The following PALD1 variants were observed in gnomAD, a reference collection of about 807,000 sequenced individuals.
PALD1 encodes the protein phosphatase domain containing paladin 1.
Under a neutral mutation model 96.0 loss-of-function variants are expected in PALD1, and 57 were observed. The ratio of observed to expected loss-of-function variants is 0.59; its 90% CI spans 0.48 to 0.74. The LOEUF is 0.74. Among genes scored for constraint, PALD1 ranks in the 30% least tolerant of loss-of-function variants. The pLI, the probability that PALD1 is intolerant of heterozygous loss-of-function variation, is 0.00. For missense variants in PALD1, 1,063 were observed against 1,143.7 expected, an observed-to-expected ratio of 0.93 and a Z score of 1.02; for synonymous variants, 464 against 473.6, an observed-to-expected ratio of 0.98 and a Z score of 0.26.
intron 3 of PALD1, 87 bp from the exon 4 acceptor site, chr10:70,529,802 T>C: frequency 1.6e-6 from 2 of 1,221,094 alleles, no homozygotes; most frequent in Non-Finnish European, 2.3e-6. Flanking sequence ...CCCCCCTCCC[T>C]GTCCCCTGGA....
chr10:70,479,478 A>G (rs1845891563), intron 1 of PALD1, among the ~76,000 whole-genome samples: 2 of 152,220 alleles, frequency 1.3e-5, no homozygotes, highest in African/African-American at 4.8e-5. Flanking sequence ...CCTCAGACCC[A>G]GGACGAGTCC....
At chr10:70,464,074 C>T in the PALD1 span, among the ~76,000 whole-genome samples, 23 of 152,190 alleles carry the variant, frequency 1.5e-4, no homozygotes, top group Admixed American at 4.6e-4. Flanking sequence ...AAAGTTCCCT[C>T]GGGCCGCTCC....
intron 1 of PALD1, among the ~76,000 whole-genome samples, chr10:70,506,735 G>A (rs1319901876): frequency 6.6e-6 from 1 of 152,264 alleles, no homozygotes; most frequent in South Asian, 2.1e-4. Flanking sequence ...AGCAGGGAGG[G>A]CACGACTCAT....
chr10:70,508,809 G>GTGTA (rs1554855629), intron 1 of PALD1, among the ~76,000 whole-genome samples: 5 of 113,756 alleles, frequency 4.4e-5, no homozygotes, highest in African/African-American at 1.6e-4. Context: ...GTGTGTGTGT[G>GTGTA]TGTGTGTGTG....
At chr10:70,505,664 T>A (rs1299803239) in intron 1 of PALD1, among the ~76,000 whole-genome samples, 1 of 151,598 alleles carries the variant, frequency 6.6e-6, no homozygotes, top group Non-Finnish European at 1.5e-5. Flanking sequence ...AATCAGAAAC[T>A]GTCTGCCAAA....
At chr10:70,542,098 G>A (rs1375497471) in intron 17 of PALD1, among the ~76,000 whole-genome samples, 1 of 151,990 alleles carries the variant, frequency 6.6e-6, no homozygotes, top group East Asian at 1.9e-4. Flanking sequence ...CAGTTGGCTC[G>A]TGTCTTACTG....
At chr10:70,509,232 G>T (rs61646170) in intron 1 of PALD1, among the ~76,000 whole-genome samples, 4,001 of 152,286 alleles carry the variant, frequency 0.026, 166 homozygotes, top group African/African-American at 0.089. Flanking sequence ...GAAAGCTGGG[G>T]TGGCTTCAGT....
At chr10:70,548,023 T>G in intron 18 of PALD1, among the ~76,000 whole-genome samples, 1 of 145,622 alleles carries the variant, frequency 6.9e-6, no homozygotes, top group African/African-American at 2.5e-5. Context: ...AATAAAGTTT[T>G]GGCCAGGTGC....
At chr10:70,506,545 C>T (rs1846395291) in intron 1 of PALD1, among the ~76,000 whole-genome samples, 1 of 152,184 alleles carries the variant, frequency 6.6e-6, no homozygotes, top group Non-Finnish European at 1.5e-5. Context: ...CATTATTATC[C>T]TTTCCCCCAA....
chr10:70,540,350 G>T lies in PALD1; in HGVS notation c.1908+588G>T, dbSNP rs114791927. ...GTCTCCCTTGTCTGTATTGGGGGCT[G>T]TGTGTGGAAAACCATCTTTAGGGGA... is the stretch of plus-strand genomic sequence containing the variant. On this transcript the variant is annotated intron_variant, in intron 15 of 19. Coordinates refer to ENST00000263563, the MANE Select transcript of PALD1 (RefSeq NM_014431.3). The surrounding 1 kb of genome is among the most constrained non-coding windows in gnomAD (Gnocchi z 4.2). Among the ~76,000 whole-genome samples, 1 of 151,868 alleles carries T rather than the reference G, an allele frequency of 6.6e-6. No homozygotes were observed. The highest frequency in any genetic ancestry group is 1.5e-5 in the Non-Finnish European group (1 of 67,960).
rs1289626076 is a variant in PALD1, at chr10:70,568,054, A to G, written c.*1321A>G. 1 of 152,142 alleles carries G rather than the reference A, an allele frequency of 6.6e-6. No individual in the cohort carries two copies. The highest frequency in any genetic ancestry group is 1.5e-5 in the Non-Finnish European group (1 of 68,044). 9.4% of individuals were successfully genotyped at this position (152,142 alleles called of 1,614,324 possible). On this transcript the variant is annotated 3_prime_UTR_variant, in exon 20 of 20. Coordinates refer to ENST00000263563, the MANE Select transcript of PALD1 (RefSeq NM_014431.3). ...ATATTTGAAAAGGGGAGGAGGCCGA[A>G]GTTGTTCCCATTTATCCAGTATTGG...
intron 18 of PALD1, among the ~76,000 whole-genome samples, chr10:70,557,407 G>A (rs933577391): frequency 1.2e-4 from 19 of 152,194 alleles, no homozygotes; most frequent in African/African-American, 4.3e-4. Context: ...CTCTGTGCCT[G>A]GCCTAGAGGT....
chr10:70,478,306 C>G (rs934082282), upstream of PALD1, among the ~76,000 whole-genome samples: 2 of 152,154 alleles, frequency 1.3e-5, no homozygotes, highest in Non-Finnish European at 2.9e-5. Flanking sequence ...CACTGCACAG[C>G]GAGGCCGGCC....
At chr10:70,541,028 G>A (rs962525965) in intron 15 of PALD1, 74 bp from the exon 16 acceptor site, 10 of 1,481,950 alleles carry the variant, frequency 6.7e-6, no homozygotes, top group Non-Finnish European at 9.0e-6. Context: ...GGGCTGCCAT[G>A]TGGATGGGGA....
chr10:70,540,959 T>G lies in PALD1; in HGVS notation c.1909-143T>G. 3.5e-6 allele frequency: 3 copies of G among 848,348 alleles called. No individual in the cohort carries two copies. Among genetic ancestry groups the G allele is most frequent in the East Asian group, 2.6e-5 (1 of 38,936 alleles). The allele number at this position is 848,348 out of a possible 1,614,324, so 52.6% of individuals were successfully genotyped here. A position where few individuals can be genotyped will look rare whatever the true frequency, so the allele number is the denominator to read the frequency against. On this transcript the variant is annotated intron_variant, in intron 15 of 19. Transcript: ENST00000263563. The surrounding 1 kb of genome is among the most constrained non-coding windows in gnomAD (Gnocchi z 4.2). The stretch of plus-strand genomic sequence containing the variant: ...ACATGGTCTCATGCACCCCGGTGAG[T>G]TTTGTTTGTGTGTGCAAGCTTGGGA...
chr10:70,483,882 T>TA (rs1845973545), intron 1 of PALD1, among the ~76,000 whole-genome samples: 1 of 152,216 alleles, frequency 6.6e-6, no homozygotes, highest in Non-Finnish European at 1.5e-5. Flanking sequence ...CCCTTTCTGT[T>TA]ACACGGGATG....
At chr10:70,482,660 A>G (rs1237225474) in intron 1 of PALD1, among the ~76,000 whole-genome samples, 1 of 152,106 alleles carries the variant, frequency 6.6e-6, no homozygotes, top group Non-Finnish European at 1.5e-5. Flanking sequence ...GTGATTAAGA[A>G]CACTGGCTCT....
At chr10:70,542,118 G>T (rs567767984) in intron 17 of PALD1, among the ~76,000 whole-genome samples, 1 of 152,152 alleles carries the variant, frequency 6.6e-6, no homozygotes, top group African/African-American at 2.4e-5. Flanking sequence ...GGTTAACTTC[G>T]CCACTTGCCC....
chr10:70,542,828 T>C (rs1847279063), intron 17 of PALD1, among the ~76,000 whole-genome samples: 2 of 152,252 alleles, frequency 1.3e-5, no homozygotes, highest in Admixed American at 1.3e-4. Context: ...TTCTGTTTAC[T>C]TTTTTGAGGA....
Sources: allele counts gnomAD v4.1 joint callset (sites outside exome capture counted in the v4.1 genomes callset), GRCh38; gene constraint gnomAD v4.1.1; non-coding constraint Gnocchi (gnomAD v3.1); transcripts MANE v1.5; gene names NCBI Gene and HGNC (gene_info 2026-07-23, HGNC 2026-07-21).